CSMD2: variants seen among roughly 807,000 people sequenced by gnomAD.
CSMD2 encodes the protein CUB and Sushi multiple domains 2, also known as CUB and sushi domain-containing protein 2.
In CSMD2, 130 loss-of-function variants were observed where a neutral mutation model predicts 398.5. The observed-to-expected ratio is 0.33, with a 90% CI of 0.28 to 0.38. The LOEUF (loss-of-function observed/expected upper bound fraction) is 0.38, where lower values mean the gene tolerates loss of function less well. Among genes scored for constraint, CSMD2 ranks in the 10% least tolerant of loss-of-function variants. CSMD2 has a pLI of 1.00. For missense variants in CSMD2, 3,829 were observed against 4,764.9 expected (o/e 0.80, Z 5.78); for synonymous variants, 1,828 against 1,908.5 (o/e 0.96, Z 1.10).
intron 5 of CSMD2, among the ~76,000 whole-genome samples, chr1:33,879,494 AT>A: frequency 6.6e-6 from 1 of 152,266 alleles, no homozygotes; most frequent in South Asian, 2.1e-4. Flanking sequence ...TAACCCACAA[AT>A]GTCCCTGACC....
chr1:33,708,120 T>C (rs1163406285), intron 22 of CSMD2, among the ~76,000 whole-genome samples: 1 of 152,212 alleles, frequency 6.6e-6, no homozygotes, highest in Non-Finnish European at 1.5e-5. Flanking sequence ...CTCAATCACA[T>C]ATTCTTTGTA....
intron 1 of CSMD2, among the ~76,000 whole-genome samples, chr1:34,142,528 GA>G (rs1639397108): frequency 6.6e-6 from 1 of 152,202 alleles, no homozygotes; most frequent in African/African-American, 2.4e-5. Context: ...CCTTTATAGA[GA>G]TGAGAAAACG....
chr1:34,153,060 C>T (rs1262426290), intron 1 of CSMD2, among the ~76,000 whole-genome samples: 5 of 152,120 alleles, frequency 3.3e-5, no homozygotes, highest in Non-Finnish European at 4.4e-5. Context: ...TCTGTCACCC[C>T]AGGTGGAATG....
chr1:33,927,965 C>A (rs545438339), intron 4 of CSMD2, among the ~76,000 whole-genome samples: 2 of 152,322 alleles, frequency 1.3e-5, no homozygotes, highest in African/African-American at 4.8e-5. Context: ...TTTCTCTCCT[C>A]AGGAATGCAT....
intron 4 of CSMD2, among the ~76,000 whole-genome samples, chr1:33,921,318 C>T: frequency 6.6e-6 from 1 of 152,186 alleles, no homozygotes; most frequent in East Asian, 1.9e-4. Flanking sequence ...TGGCAGGAGG[C>T]TATGATGTCT....
chr1:33,584,552 C>T (rs1570825297), intron 46 of CSMD2, among the ~76,000 whole-genome samples: 1 of 152,056 alleles, frequency 6.6e-6, no homozygotes, highest in African/African-American at 2.4e-5. Context: ...TGCCTGTAGT[C>T]CCAGCTACTC....
intron 58 of CSMD2, 53 bp downstream of exon 58, chr1:33,542,667 T>G: frequency 6.5e-7 from 1 of 1,527,840 alleles, no homozygotes; most frequent in Admixed American, 1.8e-5. Flanking sequence ...TCCTCTGGCA[T>G]GCAGGATCTG....
At chr1:33,532,528 C>T (rs1163459986) in intron 64 of CSMD2, among the ~76,000 whole-genome samples, 3 of 152,192 alleles carry the variant, frequency 2.0e-5, no homozygotes, top group African/African-American at 7.2e-5. Flanking sequence ...CTCCATGTTC[C>T]TCCAAGTACT....
intron 53 of CSMD2, among the ~76,000 whole-genome samples, chr1:33,563,889 A>G (rs1658807458): frequency 6.6e-6 from 1 of 152,182 alleles, no homozygotes; most frequent in Non-Finnish European, 1.5e-5. Flanking sequence ...TTGACTTTGT[A>G]TGTACTGGCA....
At position 33,623,464 on chromosome 1, in the gene CSMD2, G is replaced by T. The variant is rs934279918; in HGVS notation, c.5628C>A (p.Ile1876=). The T allele has an allele frequency of 1.2e-6, 2 of 1,613,300 alleles. No homozygotes were observed. The highest frequency in any genetic ancestry group is 3.3e-5 in the Admixed American group (2 of 60,004). ...IVVPEGAGIQ[I]QVVSFVTEQN... The stretch of plus-strand genomic sequence containing the variant: ...GCTCTGTCACAAAACTGACAACTTG[G>T]ATCTGGGAAGGGAGAAGAGTGAATT... The change falls in exon 36 of 71, where the codon ATC becomes ATA. Residue 1876 remains isoleucine, a splice_region_variant and synonymous_variant. Transcript: ENST00000373381.
At position 33,515,751 on chromosome 1, in the gene CSMD2, T is replaced by C. The variant is rs1690549; in HGVS notation, c.*873A>G. 0.77 allele frequency: 116,494 copies of C among 151,946 alleles called. 44,996 individuals are homozygous for C. The highest frequency in any genetic ancestry group is 0.82 in the African/African-American group (34,034 of 41,422). 9.4% of individuals were successfully genotyped at this position (151,946 alleles called of 1,614,324 possible). On this transcript the variant is annotated 3_prime_UTR_variant, in exon 71 of 71. Transcript: ENST00000373381. ...CCTGCTGCTGCCCCCAGACTTGGCA[T>C]CCTGTCTGGGCCACAGACTTGTCTT...
chr1:34,038,084 CAGCTGGA>C (rs1651376711), intron 2 of CSMD2, among the ~76,000 whole-genome samples: 1 of 152,160 alleles, frequency 6.6e-6, no homozygotes, highest in Non-Finnish European at 1.5e-5. Context: ...TGAATCTCCC[CAGCTGGA>C]TACCTGAATC....
intron 3 of CSMD2, among the ~76,000 whole-genome samples, chr1:33,961,333 A>T (rs953572148): frequency 1.3e-5 from 2 of 152,190 alleles, no homozygotes; most frequent in Admixed American, 1.3e-4. Context: ...TGCCTCTAAA[A>T]TCCCATTAGG....
chr1:34,006,974 G>A (rs1031231142), intron 3 of CSMD2, among the ~76,000 whole-genome samples: 10 of 152,032 alleles, frequency 6.6e-5, no homozygotes, highest in East Asian at 1.9e-4. Flanking sequence ...GTTCTCTCCC[G>A]GGGCAGAATG....
chr1:34,045,747 C>T (rs889649440), intron 2 of CSMD2, among the ~76,000 whole-genome samples: 2 of 152,204 alleles, frequency 1.3e-5, no homozygotes, highest in Non-Finnish European at 2.9e-5. Context: ...GTTCAGAATG[C>T]AAATCCTCTA....
chr1:33,612,288 T>A (rs552874339), intron 40 of CSMD2, among the ~76,000 whole-genome samples: 2 of 152,344 alleles, frequency 1.3e-5, no homozygotes, highest in East Asian at 3.9e-4. Flanking sequence ...CGAGTATAAT[T>A]CTTTTTGCAT....
intron 20 of CSMD2, among the ~76,000 whole-genome samples, chr1:33,715,974 ACTAAG>A (rs1646154632): frequency 6.6e-6 from 1 of 152,030 alleles, no homozygotes; most frequent in Non-Finnish European, 1.5e-5. Flanking sequence ...ATCTCGAATA[ACTAAG>A]GTAGGAAGGG....
intron 5 of CSMD2, among the ~76,000 whole-genome samples, chr1:33,915,693 G>C (rs1356904149): frequency 6.6e-6 from 1 of 152,218 alleles, no homozygotes; most frequent in East Asian, 1.9e-4. Flanking sequence ...GGAAGACAGG[G>C]AACTGGCAAG....
At chr1:34,134,068 A>C (rs74979645) in intron 1 of CSMD2, among the ~76,000 whole-genome samples, 4 of 150,218 alleles carry the variant, frequency 2.7e-5, no homozygotes, top group African/African-American at 1.0e-4. Context: ...AAAAAAAAAA[A>C]AAAAAAAAAA....
Sources: gnomAD v4.1 joint callset for allele counts (sites outside exome capture counted in the v4.1 genomes callset) on GRCh38, gnomAD v4.1.1 for gene constraint, MANE v1.5 for transcripts, NCBI Gene and HGNC (gene_info 2026-07-23, HGNC 2026-07-21) for gene names.